The following EXOC4 variants were observed in gnomAD, a reference collection of about 807,000 sequenced individuals.
EXOC4 encodes the protein exocyst complex component 4, also known as SEC8-like 1.
A neutral mutation model predicts 107.2 loss-of-function variants in EXOC4; 71 were observed. The ratio of observed to expected loss-of-function variants is 0.66; its 90% CI spans 0.55 to 0.81. The LOEUF (loss-of-function observed/expected upper bound fraction) is 0.81. Ranked by LOEUF, EXOC4 falls within the 30% of genes least tolerant of loss-of-function variation. The probability of loss-of-function intolerance (pLI) is 0.00; values close to 1 mark genes in which losing one functional copy is unlikely to be tolerated. For synonymous variants in EXOC4, 456 were observed against 441.2 expected, an observed-to-expected ratio of 1.03 and a Z score of -0.42; for missense variants, 1,108 against 1,189.6, an observed-to-expected ratio of 0.93 and a Z score of 1.01.
At chr7:133,323,536 C>A (rs911692565) in intron 5 of EXOC4, among the ~76,000 whole-genome samples, 6 of 152,128 alleles carry the variant, frequency 3.9e-5, no homozygotes, top group African/African-American at 1.4e-4. Context: ...TATGTTGAAC[C>A]AGCCTTGCAT....
intron 8 of EXOC4, among the ~76,000 whole-genome samples, chr7:133,477,393 A>G (rs181812966): frequency 3.0e-4 from 45 of 152,282 alleles, no homozygotes; most frequent in South Asian, 6.2e-4. Context: ...AGAATGTTGT[A>G]TAGTCAGAAT....
intron 5 of EXOC4, among the ~76,000 whole-genome samples, chr7:133,325,488 A>T (rs1203139079): frequency 6.6e-6 from 1 of 152,194 alleles, no homozygotes; most frequent in Non-Finnish European, 1.5e-5. Context: ...TTGGCTGGAT[A>T]TGAAATTCTG....
At chr7:133,500,138 C>G (rs138025281) in intron 9 of EXOC4, among the ~76,000 whole-genome samples, 1 of 151,956 alleles carries the variant, frequency 6.6e-6, no homozygotes, top group African/African-American at 2.4e-5. Flanking sequence ...GTGTATTTTC[C>G]ACTTTATTGA....
chr7:133,842,001 T>C (rs976886944), intron 11 of EXOC4, among the ~76,000 whole-genome samples: 1 of 152,122 alleles, frequency 6.6e-6, no homozygotes, highest in African/African-American at 2.4e-5. Context: ...GTTCATTCTT[T>C]TTTAGTATTC....
At chr7:133,836,251 A>G (rs757768479) in intron 11 of EXOC4, among the ~76,000 whole-genome samples, 14 of 152,228 alleles carry the variant, frequency 9.2e-5, no homozygotes, top group Non-Finnish European at 1.6e-4. Flanking sequence ...TCTCTATCAT[A>G]TAAAGGCTAG....
chr7:133,735,830 T>A (rs2151122478), intron 10 of EXOC4, among the ~76,000 whole-genome samples: 1 of 152,274 alleles, frequency 6.6e-6, no homozygotes, highest in South Asian at 2.1e-4. Context: ...ATTATCCCTG[T>A]AATCTCAGCA....
chr7:133,329,817 C>A (rs1438659875), intron 5 of EXOC4, among the ~76,000 whole-genome samples: 1 of 152,136 alleles, frequency 6.6e-6, no homozygotes, highest in Non-Finnish European at 1.5e-5. Flanking sequence ...AGAGGGGCAC[C>A]AGCCAGATGC....
At chr7:133,348,992 T>C (rs1795848015) in intron 5 of EXOC4, among the ~76,000 whole-genome samples, 1 of 152,176 alleles carries the variant, frequency 6.6e-6, no homozygotes, top group Non-Finnish European at 1.5e-5. Context: ...CTCTTTCTAC[T>C]CATGGATTTC....
intron 7 of EXOC4, among the ~76,000 whole-genome samples, chr7:133,419,414 TAAG>T (rs1239120689): frequency 6.6e-6 from 1 of 152,124 alleles, no homozygotes; most frequent in Non-Finnish European, 1.5e-5. Context: ...TTAAAATAAT[TAAG>T]AAGTCAGTTT....
intron 6 of EXOC4, among the ~76,000 whole-genome samples, chr7:133,366,311 T>C (rs1201342983): frequency 2.0e-5 from 3 of 152,174 alleles, no homozygotes; most frequent in African/African-American, 7.2e-5. Context: ...ATGAGATACC[T>C]AGGGATCACT....
At chr7:134,100,296 G>A in the EXOC4 span, among the ~76,000 whole-genome samples, 1 of 73,804 alleles carries the variant, frequency 1.4e-5, no homozygotes, top group Admixed American at 1.7e-4. Context: ...GCCTGGAACA[G>A]CTCCTTCCCC....
At chr7:133,286,427 C>T (rs903322069) in intron 2 of EXOC4, among the ~76,000 whole-genome samples, 5 of 152,232 alleles carry the variant, frequency 3.3e-5, no homozygotes, top group African/African-American at 7.2e-5. Context: ...TCTGTTCCCC[C>T]GTGTCCTGCT....
In EXOC4 at chr7:133,857,191, TATATATA is replaced by T. The variant is rs1798409784; in HGVS notation, c.1735-38407_1735-38401del. Among the ~76,000 whole-genome samples, 37 of 33,582 alleles carry T rather than the reference TATATATA, an allele frequency of 1.1e-3. 1 individual carries two copies. The highest frequency in any genetic ancestry group is 1.6e-3 in the Non-Finnish European group (31 of 19,494). The allele number at this position is 33,582 out of a possible 152,430, so 22.0% of individuals were successfully genotyped here. On this transcript the variant is annotated intron_variant, in intron 11 of 17. Transcript: ENST00000253861. ...ATATATATATATATATATATATATA[TATATATA>T]TATTTTACCTCTACTTAACCTCCCT... is the stretch of plus-strand genomic sequence containing the variant.
At chr7:133,381,800 C>T (rs1201023666) in intron 7 of EXOC4, among the ~76,000 whole-genome samples, 1 of 152,048 alleles carries the variant, frequency 6.6e-6, no homozygotes, top group African/African-American at 2.4e-5. Context: ...TTTTTCAGCT[C>T]CTAAGGTGAT....
At chr7:133,391,357 G>A (rs1796848888) in intron 7 of EXOC4, among the ~76,000 whole-genome samples, 1 of 152,214 alleles carries the variant, frequency 6.6e-6, no homozygotes, top group Non-Finnish European at 1.5e-5. Flanking sequence ...TGTTAGCAAC[G>A]TGATATGGCA....
At chr7:133,827,050 G>C (rs1221737822) in intron 11 of EXOC4, among the ~76,000 whole-genome samples, 3 of 152,144 alleles carry the variant, frequency 2.0e-5, no homozygotes, top group Non-Finnish European at 4.4e-5. Flanking sequence ...CATACAAAGA[G>C]ATACATTAGG....
chr7:134,091,140 A>C, the EXOC4 span, among the ~76,000 whole-genome samples: 1 of 152,124 alleles, frequency 6.6e-6, no homozygotes, highest in Non-Finnish European at 1.5e-5. Context: ...CTTGGGCAAG[A>C]AAAAATTCAG....
chr7:133,834,851 C>T (rs1797884981), intron 11 of EXOC4, among the ~76,000 whole-genome samples: 1 of 152,164 alleles, frequency 6.6e-6, no homozygotes, highest in Non-Finnish European at 1.5e-5. Flanking sequence ...CCACAATTCC[C>T]ACCTGTTGTG....
At chr7:133,688,682 T>C (rs897469214) in intron 10 of EXOC4, among the ~76,000 whole-genome samples, 1 of 152,194 alleles carries the variant, frequency 6.6e-6, no homozygotes, top group Non-Finnish European at 1.5e-5. Context: ...TAATTTAGCT[T>C]GTCTGTCATT....
Sources: allele counts gnomAD v4.1 joint callset (sites outside exome capture counted in the v4.1 genomes callset), GRCh38; gene constraint gnomAD v4.1.1; transcripts MANE v1.5; gene names NCBI Gene and HGNC (gene_info 2026-07-23, HGNC 2026-07-21).